ZBTB8B: variants seen among roughly 807,000 people sequenced by gnomAD.
The protein encoded by ZBTB8B is zinc finger and BTB domain-containing protein 8B.
A neutral mutation model predicts 30.3 loss-of-function variants in ZBTB8B; 17 were observed. The observed-to-expected ratio is 0.56, with a 90% confidence interval of 0.38 to 0.84. The LOEUF (loss-of-function observed/expected upper bound fraction) is 0.84. Ranked by LOEUF, ZBTB8B falls within the 40% of genes least tolerant of loss-of-function variation. ZBTB8B has a pLI of 0.00. For missense variants in ZBTB8B, 515 were observed against 644.9 expected, an observed-to-expected ratio of 0.80 and a Z score of 2.18; for synonymous variants, 248 against 255.6, an observed-to-expected ratio of 0.97 and a Z score of 0.28.
At chr1:32,483,122 G>A (rs1001360590) in intron 3 of ZBTB8B, among the ~76,000 whole-genome samples, 2 of 151,634 alleles carry the variant, frequency 1.3e-5, no homozygotes, top group Non-Finnish European at 2.9e-5. Flanking sequence ...CCAGCACGGT[G>A]GCTCACACCT....
chr1:32,466,283 T>C (rs1411520268), intron 1 of ZBTB8B, among the ~76,000 whole-genome samples: 1 of 152,152 alleles, frequency 6.6e-6, no homozygotes, highest in Non-Finnish European at 1.5e-5. Flanking sequence ...AGAGTTTGTA[T>C]TGCAGGTAGT....
chr1:32,467,281 C>T (rs1460731107), intron 1 of ZBTB8B, among the ~76,000 whole-genome samples: 7 of 145,702 alleles, frequency 4.8e-5, no homozygotes, highest in South Asian at 2.2e-4. Context: ...CTCGCACTAT[C>T]GCCCAGGCTG....
At chr1:32,477,305 G>A (rs558868790) in intron 2 of ZBTB8B, among the ~76,000 whole-genome samples, 48 of 152,176 alleles carry the variant, frequency 3.2e-4, no homozygotes, top group Non-Finnish European at 3.8e-4. Context: ...GGAGGAAACA[G>A]GTGTCTTACA....
chr1:32,473,487 T>C (rs1254762730), intron 2 of ZBTB8B, among the ~76,000 whole-genome samples: 1 of 150,944 alleles, frequency 6.6e-6, no homozygotes, highest in East Asian at 1.9e-4. Context: ...CTATTTTTAT[T>C]CATTACTAAA....
chr1:32,470,530 A>AAAAAAAC, intron 1 of ZBTB8B, 54 bp from the exon 2 acceptor site: 1 of 1,044,474 alleles, frequency 9.6e-7, no homozygotes, highest in Non-Finnish European at 1.3e-6. Flanking sequence ...AAAAAAAGAA[A>AAAAAAAC]TCTTGTTTGT....
chr1:32,481,453 G>A (rs1332340253), intron 3 of ZBTB8B, among the ~76,000 whole-genome samples: 1 of 151,872 alleles, frequency 6.6e-6, no homozygotes, highest in African/African-American at 2.4e-5. Context: ...AGCACCTAGG[G>A]GTAAGGGAAG....
At chr1:32,477,081 A>G (rs991764459) in intron 2 of ZBTB8B, among the ~76,000 whole-genome samples, 16 of 152,270 alleles carry the variant, frequency 1.1e-4, no homozygotes, top group African/African-American at 3.9e-4. Context: ...TCCTCTGCCC[A>G]AGATACCTTT....
At position 32,471,421 on chromosome 1, in the gene ZBTB8B, A is replaced by G. The variant is rs1199719795; in HGVS notation, c.797A>G (p.Gln266Arg). 1.9e-6 allele frequency: 3 copies of G among 1,551,696 alleles called. No homozygotes were observed. The highest frequency in any genetic ancestry group is 1.4e-5 in the African/African-American group (1 of 73,080). The change falls in exon 2 of 4, where the codon CAG (glutamine) becomes CGG (arginine). Residue 266 changes from glutamine to arginine, a missense_variant. Physicochemically the swap from Gln to Arg is conservative, Grantham distance 43 (BLOSUM62 1). Transcript: ENST00000609129. ...GTGGAGGAGGCCTTGCCAAGCGGCC[A>G]GGCGGTTGACTTGGCTTACAGCAAC... ...AHVEEALPSG[Q>R]AVDLAYSNYH...
In ZBTB8B at chr1:32,491,404, T is replaced by C. The variant is rs892100303; in HGVS notation, c.*5986T>C. The C allele has an allele frequency of 6.6e-6, 1 of 152,208 alleles. No homozygotes were observed. The highest frequency in any genetic ancestry group is 6.5e-5 in the Admixed American group (1 of 15,276). 9.4% of individuals were successfully genotyped at this position (152,208 alleles called of 1,614,324 possible). On this transcript the variant is annotated 3_prime_UTR_variant, in exon 4 of 4. Transcript: ENST00000609129. ...AGGGTCTTAGGCCCAACTGAAGGTT[T>C]AGAAACATTCAAATTTATAAACTGC...
chr1:32,472,560 G>A (rs1643632274), intron 2 of ZBTB8B, among the ~76,000 whole-genome samples: 2 of 152,166 alleles, frequency 1.3e-5, no homozygotes, highest in Admixed American at 6.5e-5. Context: ...TCAGAGACTA[G>A]GCACCCAGCC....
chr1:32,470,258 TGGGAGGCCGAGGC>T (rs1643604993), intron 1 of ZBTB8B, among the ~76,000 whole-genome samples: 1 of 151,230 alleles, frequency 6.6e-6, no homozygotes, highest in Non-Finnish European at 1.5e-5. Flanking sequence ...CCCAGCGCTT[TGGGAGGCCGAGGC>T]GGGCGGATCA....
intron 1 of ZBTB8B, among the ~76,000 whole-genome samples, chr1:32,466,197 T>A (rs1054434607): frequency 2.0e-5 from 3 of 152,024 alleles, no homozygotes; most frequent in Non-Finnish European, 2.9e-5. Flanking sequence ...GGGTCGGAGG[T>A]GGAATTCAAG....
rs55796835 is a variant in ZBTB8B, at chr1:32,479,166, GTGATA to G, written c.992-1701_992-1697del. The stretch of plus-strand genomic sequence containing the variant: ...GCTTGAGTCACTAGTGCCTTCATAG[GTGATA>G]TGATATGATATGATATGATATGACC... On this transcript the variant is annotated intron_variant, in intron 2 of 3. Coordinates refer to ENST00000609129, the MANE Select transcript of ZBTB8B (RefSeq NM_001145720.2). 8.5e-3 allele frequency among the ~76,000 whole-genome samples: 1,294 copies of G among 152,076 alleles called. 12 individuals carry two copies. The highest frequency in any genetic ancestry group is 0.023 in the African/African-American group (955 of 41,460).
intron 1 of ZBTB8B, among the ~76,000 whole-genome samples, chr1:32,467,264 A>G (rs1643578659): frequency 2.1e-5 from 3 of 140,328 alleles, no homozygotes; most frequent in Non-Finnish European, 3.1e-5. Flanking sequence ...TTTTTTTGAG[A>G]TGGAGTCTCG....
chr1:32,491,721 G>A lies in ZBTB8B; in HGVS notation c.*6303G>A, dbSNP rs1290698488. 6.6e-6 allele frequency: 1 copy of A among 152,208 alleles called. No homozygotes were observed. The highest frequency in any genetic ancestry group is 1.5e-5 in the Non-Finnish European group (1 of 68,056). 9.4% of individuals were successfully genotyped at this position (152,208 alleles called of 1,614,324 possible). On this transcript the variant is annotated 3_prime_UTR_variant, in exon 4 of 4. Coordinates refer to ENST00000609129, the MANE Select transcript of ZBTB8B (RefSeq NM_001145720.2). ...ACTGTACTTAGGGATGCCCAGAGCT[G>A]AGGCTTCCTATCAGGCATTTATAGT...
chr1:32,481,100 G>A, intron 3 of ZBTB8B, 31 bp downstream of exon 3: 1 of 1,521,600 alleles, frequency 6.6e-7, no homozygotes. Context: ...TGCCCTTGTG[G>A]CAAGAGCTAT....
chr1:32,482,237 G>A (rs560137785), intron 3 of ZBTB8B, among the ~76,000 whole-genome samples: 5 of 151,966 alleles, frequency 3.3e-5, no homozygotes, highest in Non-Finnish European at 7.4e-5. Flanking sequence ...GGGCTCAAGC[G>A]ATCTGCCTGC....
chr1:32,474,112 A>G (rs976401779), intron 2 of ZBTB8B, among the ~76,000 whole-genome samples: 3 of 151,824 alleles, frequency 2.0e-5, no homozygotes, highest in African/African-American at 4.8e-5. Flanking sequence ...CGGCCTCTCA[A>G]AGTGCTAGGA....
rs1643617774 is a variant in ZBTB8B, at chr1:32,471,268, CG to C, written c.646del (p.Ala216LeufsTer12). 6.4e-7 allele frequency: 1 copy of C among 1,551,730 alleles called. No individual in the cohort carries two copies. Among genetic ancestry groups the C allele is most frequent in the African/African-American group, 1.4e-5 (1 of 73,162 alleles). ...GTGAGAGACAGCCTTGGCGGTGGCT[CG>C]GCTGACAGCAACCTCTCTACTCCAC... ...LVVRDSLGGG[S>X]ADSNLSTPPK... On this transcript the variant is annotated frameshift_variant, in exon 2 of 4. Transcript: ENST00000609129. LOFTEE classifies it high-confidence loss of function.
Sources: allele counts gnomAD v4.1 joint callset (sites outside exome capture counted in the v4.1 genomes callset), GRCh38; gene constraint gnomAD v4.1.1; transcripts MANE v1.5; gene names NCBI Gene and HGNC (gene_info 2026-07-23, HGNC 2026-07-21).